The following FOXN2 variants were observed in gnomAD, a reference collection of about 807,000 sequenced individuals.
FOXN2 encodes forkhead box protein N2.
FOXN2 carries 19 observed loss-of-function variants against 41.2 expected under a neutral mutation model. The observed-to-expected ratio is 0.46, with a 90% confidence interval of 0.32 to 0.68. The LOEUF (loss-of-function observed/expected upper bound fraction) is 0.68, where lower values mean the gene tolerates loss of function less well. FOXN2 is among the 30% of genes least tolerant of loss of function. The pLI is 0.03. For missense variants in FOXN2, 587 were observed against 509.4 expected, an observed-to-expected ratio of 1.15 and a Z score of -1.47; for synonymous variants, 195 against 176.8, an observed-to-expected ratio of 1.10 and a Z score of -0.82.
chr2:48,343,830 A>G (rs182248266), intron 2 of FOXN2, among the ~76,000 whole-genome samples: 3 of 152,222 alleles, frequency 2.0e-5, no homozygotes, highest in Admixed American at 2.0e-4. Flanking sequence ...TTATTGAACT[A>G]AGGAGTAGTT....
intron 5 of FOXN2, 95 bp downstream of exon 5, chr2:48,362,802 T>C: frequency 9.6e-7 from 1 of 1,041,960 alleles, no homozygotes; most frequent in Non-Finnish European, 1.4e-6. Context: ...AAGATTATAA[T>C]GGAGCTGAAA....
chr2:48,340,305 T>C (rs115077827), intron 2 of FOXN2, among the ~76,000 whole-genome samples: 2,423 of 152,342 alleles, frequency 0.016, 64 homozygotes, highest in African/African-American at 0.055. Flanking sequence ...CCTTTTCTTA[T>C]GTAGTCTCTG....
At chr2:48,355,182 C>T (rs1671707681) in intron 3 of FOXN2, among the ~76,000 whole-genome samples, 1 of 151,994 alleles carries the variant, frequency 6.6e-6, no homozygotes, top group Non-Finnish European at 1.5e-5. Flanking sequence ...TGATAATACT[C>T]AAAAGGGAGT....
chr2:48,336,076 C>G (rs775117162), intron 2 of FOXN2, among the ~76,000 whole-genome samples: 21 of 149,436 alleles, frequency 1.4e-4, no homozygotes, highest in South Asian at 1.3e-3. Context: ...GTATTATAAA[C>G]CAGGAGAAGG....
At chr2:48,357,014 G>A (rs1671838342) in intron 3 of FOXN2, among the ~76,000 whole-genome samples, 2 of 152,078 alleles carry the variant, frequency 1.3e-5, no homozygotes, top group Admixed American at 1.3e-4. Context: ...CAATAATATA[G>A]GACCAAAGCT....
chr2:48,338,395 G>A (rs767249445), intron 2 of FOXN2, among the ~76,000 whole-genome samples: 115 of 120,108 alleles, frequency 9.6e-4, no homozygotes, highest in Non-Finnish European at 1.8e-3. Context: ...CAGGAAGGAT[G>A]CCATTTTTTT....
At chr2:48,356,538 A>G (rs1671808859) in intron 3 of FOXN2, among the ~76,000 whole-genome samples, 1 of 152,208 alleles carries the variant, frequency 6.6e-6, no homozygotes. Context: ...GCTGGGAAAC[A>G]TGGAATTAAA....
chr2:48,336,418 A>ATATAT (rs1553410430), intron 2 of FOXN2, among the ~76,000 whole-genome samples: 3 of 147,366 alleles, frequency 2.0e-5, no homozygotes, highest in African/African-American at 7.6e-5. Flanking sequence ...CAAAAAAAAA[A>ATATAT]ATATATATAT....
chr2:48,321,581 T>A (rs571820223), intron 1 of FOXN2, among the ~76,000 whole-genome samples: 25 of 152,096 alleles, frequency 1.6e-4, no homozygotes, highest in African/African-American at 6.0e-4. Flanking sequence ...GTAAAAGTAT[T>A]ATTTCATGAA....
chr2:48,321,836 CTA>C (rs1367565281), intron 1 of FOXN2, among the ~76,000 whole-genome samples: 2 of 151,976 alleles, frequency 1.3e-5, no homozygotes, highest in African/African-American at 2.4e-5. Context: ...TTGTGGGTCT[CTA>C]TGAAAAAAAT....
At chr2:48,341,967 C>G (rs1670803854) in intron 2 of FOXN2, among the ~76,000 whole-genome samples, 1 of 152,150 alleles carries the variant, frequency 6.6e-6, no homozygotes, top group South Asian at 2.1e-4. Flanking sequence ...GACTTGAGCT[C>G]TCTGATAAGT....
rs546162819 is a variant in FOXN2, at chr2:48,367,071, A to G, written c.703+4364A>G. On this transcript the variant is annotated intron_variant, in intron 5 of 6. Coordinates refer to ENST00000340553, the MANE Select transcript of FOXN2 (RefSeq NM_002158.4). ...ACTCCAGAAACTGTTATCAGCCTAA[A>G]CAGGTGCAGCAGTGTGTTTGTTGTC... is the stretch of plus-strand genomic sequence containing the variant. Among the ~76,000 whole-genome samples, 3 of 152,282 alleles carry G rather than the reference A, an allele frequency of 2.0e-5. No homozygotes were observed. The South Asian group carries it at 6.2e-4, about 32-fold the overall frequency.
At chr2:48,337,477 T>C (rs184517839) in intron 2 of FOXN2, among the ~76,000 whole-genome samples, 3 of 150,276 alleles carry the variant, frequency 2.0e-5, no homozygotes, top group Admixed American at 2.0e-4. Flanking sequence ...TTTTGTGGGG[T>C]TTTTTTTTGG....
chr2:48,364,607 A>G (rs1331416021), intron 5 of FOXN2, among the ~76,000 whole-genome samples: 1 of 152,182 alleles, frequency 6.6e-6, no homozygotes, highest in African/African-American at 2.4e-5. Flanking sequence ...TGAATTTTTT[A>G]GTAATATCAG....
chr2:48,367,198 C>T (rs192731082), intron 5 of FOXN2, among the ~76,000 whole-genome samples: 223 of 152,108 alleles, frequency 1.5e-3, no homozygotes, highest in African/African-American at 4.4e-3. Context: ...GATAGCAGAA[C>T]GAAATTTTTT....
chr2:48,365,693 C>T lies in FOXN2; in HGVS notation c.703+2986C>T, dbSNP rs181789667. On this transcript the variant is annotated intron_variant, in intron 5 of 6. Transcript: ENST00000340553. The stretch of plus-strand genomic sequence containing the variant: ...AGCACCTTACCTCCATTCCTATATG[C>T]ATGAGTCTTAGGCCTGTTCCTCTAG... Among the ~76,000 whole-genome samples, 17 of 152,320 alleles carry T rather than the reference C, an allele frequency of 1.1e-4. No homozygotes were observed. In the East Asian group the frequency reaches 3.3e-3, roughly 29 times the overall value.
chr2:48,359,737 AAT>A (rs1423107565), intron 4 of FOXN2, among the ~76,000 whole-genome samples: 1 of 152,146 alleles, frequency 6.6e-6, no homozygotes, highest in Non-Finnish European at 1.5e-5. Context: ...CACTCTGGGA[AAT>A]ATAGTCAATA....
chr2:48,320,622 G>A (rs1669244590), intron 1 of FOXN2, among the ~76,000 whole-genome samples: 1 of 152,048 alleles, frequency 6.6e-6, no homozygotes, highest in Admixed American at 6.5e-5. Flanking sequence ...CGTAAGGAGT[G>A]TCATAGTCTC....
chr2:48,376,110 A>T lies in FOXN2; in HGVS notation c.*667A>T, dbSNP rs1033584019. On this transcript the variant is annotated 3_prime_UTR_variant, in exon 7 of 7. Coordinates refer to ENST00000340553, the MANE Select transcript of FOXN2 (RefSeq NM_002158.4). ...TCCAAGAACACTCCCAATTCCTATT[A>T]GAATGGTAGCTTTGAAGTGTTTTTA... 1 of 152,194 alleles carries T rather than the reference A, an allele frequency of 6.6e-6. No individual in the cohort carries two copies. The highest frequency in any genetic ancestry group is 2.4e-5 in the African/African-American group (1 of 41,454). The allele number at this position is 152,194 out of a possible 1,614,324, so 9.4% of individuals were successfully genotyped here.
Sources: allele counts gnomAD v4.1 joint callset (sites outside exome capture counted in the v4.1 genomes callset), GRCh38; gene constraint gnomAD v4.1.1; transcripts MANE v1.5; gene names NCBI Gene and HGNC (gene_info 2026-07-23, HGNC 2026-07-21).